SLF1: variants seen among roughly 807,000 people sequenced by gnomAD.
SLF1 encodes the protein SMC5/6 complex localization factor 1.
In SLF1, 105 loss-of-function variants were observed where a neutral mutation model predicts 123.0. The observed-to-expected ratio is 0.85, with a 90% confidence interval of 0.73 to 1.00. The LOEUF (loss-of-function observed/expected upper bound fraction) is 1.00. Among genes scored for constraint, SLF1 ranks in the 50% least tolerant of loss-of-function variants. SLF1 has a pLI of 0.00. For synonymous variants in SLF1, 434 were observed against 406.6 expected (o/e 1.07, Z -0.81); for missense variants, 1,239 against 1,223.0 (o/e 1.01, Z -0.20).
intron 5 of SLF1, among the ~76,000 whole-genome samples, chr5:94,644,114 A>G (rs969141709): frequency 6.6e-6 from 1 of 152,092 alleles, no homozygotes; most frequent in African/African-American, 2.4e-5. Context: ...AATGTTTCTT[A>G]AATCAAACCA....
At chr5:94,650,615 C>T (rs867363150) in intron 6 of SLF1, among the ~76,000 whole-genome samples, 9 of 152,122 alleles carry the variant, frequency 5.9e-5, no homozygotes, top group African/African-American at 1.2e-4. Context: ...CCGCCCGCCT[C>T]GGCCTCCCAA....
chr5:94,689,365 G>T, intron 17 of SLF1, 108 bp from the exon 18 acceptor site: 1 of 1,135,344 alleles, frequency 8.8e-7, no homozygotes, highest in Non-Finnish European at 1.2e-6. Flanking sequence ...GAATGAGTAA[G>T]GGAGTTTAAA....
chr5:94,667,737 TTTTG>T (rs377432398), intron 12 of SLF1, among the ~76,000 whole-genome samples: 62 of 152,288 alleles, frequency 4.1e-4, no homozygotes, highest in South Asian at 1.2e-3. Flanking sequence ...TTCCTAGCTT[TTTTG>T]TTTGTTTGTT....
At chr5:94,669,378 AT>A (rs1341597228) in intron 12 of SLF1, among the ~76,000 whole-genome samples, 1 of 152,164 alleles carries the variant, frequency 6.6e-6, no homozygotes, top group East Asian at 1.9e-4. Flanking sequence ...TTATAAGTGC[AT>A]TGTTGATATA....
At chr5:94,673,407 GT>G (rs1415016146) in intron 14 of SLF1, among the ~76,000 whole-genome samples, 1 of 151,882 alleles carries the variant, frequency 6.6e-6, no homozygotes, top group African/African-American at 2.4e-5. Flanking sequence ...GGGTGCAGTG[GT>G]TCCTGCCTGT....
intron 4 of SLF1, among the ~76,000 whole-genome samples, chr5:94,634,997 ATT>A (rs1344406770): frequency 1.3e-5 from 2 of 152,224 alleles, no homozygotes; most frequent in Non-Finnish European, 1.5e-5. Flanking sequence ...TTGCCTCTTC[ATT>A]CTCTTAAATG....
At chr5:94,683,449 G>A (rs1027052179) in intron 15 of SLF1, among the ~76,000 whole-genome samples, 3 of 152,008 alleles carry the variant, frequency 2.0e-5, no homozygotes, top group African/African-American at 7.3e-5. Context: ...AGAGATAAAC[G>A]GTAATTAAGT....
chr5:94,643,212 T>C, intron 4 of SLF1, 61 bp from the exon 5 acceptor site: 2 of 1,265,452 alleles, frequency 1.6e-6, no homozygotes, highest in Non-Finnish European at 2.2e-6. Context: ...TTAATTTAGA[T>C]AATTTGACTA....
At chr5:94,682,325 CT>C (rs1200035118) in intron 15 of SLF1, among the ~76,000 whole-genome samples, 2 of 152,084 alleles carry the variant, frequency 1.3e-5, no homozygotes, top group African/African-American at 4.8e-5. Flanking sequence ...TCTGCCACCT[CT>C]TTTTTTCCCT....
Position 94,687,587 on chromosome 5 carries a change from C to T in SLF1, c.2121+869C>T, listed in dbSNP as rs145276723. ...GCACATGCCTGTGGTCCCAGCTACT[C>T]GGGAGGCTGAGGTGGGAGGATCCTT... On this transcript the variant is annotated intron_variant, in intron 16 of 20. Transcript: ENST00000265140. 3.3e-3 allele frequency among the ~76,000 whole-genome samples: 497 copies of T among 152,074 alleles called. 2 individuals are homozygous for T. Among genetic ancestry groups the T allele is most frequent in the African/African-American group, 0.011 (477 of 41,486 alleles).
intron 11 of SLF1, 62 bp downstream of exon 11, chr5:94,663,970 T>A (rs557862054): frequency 1.7e-5 from 24 of 1,402,948 alleles, no homozygotes; most frequent in Admixed American, 1.6e-4. Context: ...GTGAACATTT[T>A]CTCACTTTTT....
At chr5:94,683,171 GATAA>G (rs759507688) in intron 15 of SLF1, among the ~76,000 whole-genome samples, 4 of 152,044 alleles carry the variant, frequency 2.6e-5, no homozygotes, top group African/African-American at 7.2e-5. Context: ...ATTATTGCCT[GATAA>G]ATACTTTTTC....
chr5:94,693,284 A>G (rs1038978895), intron 20 of SLF1, among the ~76,000 whole-genome samples: 1 of 151,926 alleles, frequency 6.6e-6, no homozygotes, highest in Non-Finnish European at 1.5e-5. Flanking sequence ...AATGTTTTTC[A>G]GTTCTTCTAC....
In SLF1 at chr5:94,627,782, C is replaced by G. The variant is rs554912418; in HGVS notation, c.1-1029C>G. 5.3e-5 allele frequency among the ~76,000 whole-genome samples: 8 copies of G among 150,904 alleles called. No individual in the cohort carries two copies. The South Asian group carries it at 1.7e-3, about 31-fold the overall frequency. ...TTAAAGTCTCTGTGGAGTATAAAATCTGATTGTATCATTGTCTGTAGGTTT... is the reference window on the plus strand; with the variant it reads ...TTAAAGTCTCTGTGGAGTATAAAATGTGATTGTATCATTGTCTGTAGGTTT... On this transcript the variant is annotated intron_variant, in intron 1 of 20. Coordinates refer to ENST00000265140, the MANE Select transcript of SLF1 (RefSeq NM_032290.4).
intron 6 of SLF1, among the ~76,000 whole-genome samples, chr5:94,650,536 G>A (rs1747577462): frequency 6.6e-6 from 1 of 151,880 alleles, no homozygotes; most frequent in Non-Finnish European, 1.5e-5. Context: ...CTAATTTTTT[G>A]TATTTTCTTA....
chr5:94,667,682 TA>T (rs1749953352), intron 12 of SLF1, among the ~76,000 whole-genome samples: 2 of 152,240 alleles, frequency 1.3e-5, no homozygotes, highest in Admixed American at 1.3e-4. Context: ...ATGTGTCCAA[TA>T]GTTATTTTCC....
chr5:94,689,425 C>T (rs573971381), intron 17 of SLF1, 48 bp from the exon 18 acceptor site: 194 of 1,577,354 alleles, frequency 1.2e-4, no homozygotes, highest in Non-Finnish European at 1.6e-4. Context: ...TATGCTGGCA[C>T]GCCTTGCTGA....
At chr5:94,691,019 A>G (rs998739988) in intron 18 of SLF1, among the ~76,000 whole-genome samples, 3 of 151,672 alleles carry the variant, frequency 2.0e-5, no homozygotes, top group African/African-American at 4.8e-5. Context: ...CAGACAGCCT[A>G]TTGAGAAGCA....
chr5:94,651,267 GAAATC>G (rs1747691375), intron 6 of SLF1, among the ~76,000 whole-genome samples: 1 of 152,128 alleles, frequency 6.6e-6, no homozygotes, highest in Non-Finnish European at 1.5e-5. Flanking sequence ...GCACAATGAC[GAAATC>G]AACTAACGAT....
Sources: gnomAD v4.1 joint callset for allele counts (sites outside exome capture counted in the v4.1 genomes callset) on GRCh38, gnomAD v4.1.1 for gene constraint, MANE v1.5 for transcripts, NCBI Gene and HGNC (gene_info 2026-07-23, HGNC 2026-07-21) for gene names.